The following CNTNAP2 variants were observed in gnomAD, a reference collection of about 807,000 sequenced individuals.
CNTNAP2 encodes the protein contactin-associated protein-like 2.
CNTNAP2 carries 98 observed loss-of-function variants against 155.2 expected under a neutral mutation model. That is an observed-to-expected ratio of 0.63 (90% CI 0.54 to 0.75). The LOEUF (loss-of-function observed/expected upper bound fraction) is 0.75, where lower values mean the gene tolerates loss of function less well. CNTNAP2 is among the 30% of genes least tolerant of loss of function. CNTNAP2 has a pLI of 0.00. For missense variants in CNTNAP2, 1,727 were observed against 1,688.1 expected (o/e 1.02, Z -0.40); for synonymous variants, 651 against 631.2 (o/e 1.03, Z -0.47).
At chr7:147,036,539 T>C (rs953330452) in intron 3 of CNTNAP2, among the ~76,000 whole-genome samples, 3 of 152,212 alleles carry the variant, frequency 2.0e-5, no homozygotes, top group Non-Finnish European at 2.9e-5. Context: ...GAGATACATA[T>C]ATGCTATCTT....
At chr7:146,403,139 C>A (rs903401963) in intron 1 of CNTNAP2, among the ~76,000 whole-genome samples, 2 of 152,000 alleles carry the variant, frequency 1.3e-5, no homozygotes, top group African/African-American at 4.8e-5. Flanking sequence ...AAGGGTGTGG[C>A]TATAGAGGTT....
chr7:147,503,353 A>G (rs1318842112), intron 11 of CNTNAP2, among the ~76,000 whole-genome samples: 1 of 152,204 alleles, frequency 6.6e-6, no homozygotes, highest in Non-Finnish European at 1.5e-5. Flanking sequence ...TTGAGTGTCC[A>G]CATTGATCCA....
chr7:147,457,373 G>T (rs1176561474), intron 10 of CNTNAP2, among the ~76,000 whole-genome samples: 1 of 152,056 alleles, frequency 6.6e-6, no homozygotes, highest in Admixed American at 6.6e-5. Context: ...ACGCTCAGCC[G>T]GAAATTCTTC....
At chr7:148,387,176 T>G (rs1398857179) in intron 22 of CNTNAP2, among the ~76,000 whole-genome samples, 2 of 152,186 alleles carry the variant, frequency 1.3e-5, no homozygotes, top group Non-Finnish European at 2.9e-5. Flanking sequence ...CTGCACCTAT[T>G]GAATCCCCAG....
intron 1 of CNTNAP2, among the ~76,000 whole-genome samples, chr7:146,685,464 A>G (rs1251465802): frequency 6.6e-6 from 1 of 152,182 alleles, no homozygotes; most frequent in Non-Finnish European, 1.5e-5. Flanking sequence ...AAGCTGGTAC[A>G]GGCTGGTTGA....
At chr7:148,343,253 C>CT (rs1209140959) in intron 21 of CNTNAP2, among the ~76,000 whole-genome samples, 2 of 152,230 alleles carry the variant, frequency 1.3e-5, no homozygotes, top group Non-Finnish European at 2.9e-5. Flanking sequence ...ATCACAAACT[C>CT]TATTTGTCCT....
At chr7:146,834,735 A>T (rs1041302722) in intron 2 of CNTNAP2, among the ~76,000 whole-genome samples, 5 of 152,158 alleles carry the variant, frequency 3.3e-5, no homozygotes, top group African/African-American at 1.2e-4. Flanking sequence ...CAGCATCTCC[A>T]CTTCTTCTAA....
intron 1 of CNTNAP2, among the ~76,000 whole-genome samples, chr7:146,454,854 G>T (rs1796532933): frequency 6.6e-6 from 1 of 152,074 alleles, no homozygotes; most frequent in Admixed American, 6.6e-5. Context: ...ATATATGTTA[G>T]CTTAGAACTG....
intron 1 of CNTNAP2, among the ~76,000 whole-genome samples, chr7:146,236,809 TATTAATTA>T (rs71717716): frequency 6.6e-6 from 1 of 150,880 alleles, no homozygotes; most frequent in Non-Finnish European, 1.5e-5. Context: ...GATTGTAAGT[TATTAATTA>T]ATTAATTAGT....
At chr7:146,948,785 G>A (rs1797246012) in intron 3 of CNTNAP2, among the ~76,000 whole-genome samples, 1 of 152,154 alleles carries the variant, frequency 6.6e-6, no homozygotes, top group South Asian at 2.1e-4. Flanking sequence ...TTGTGGTGGT[G>A]TACATGACAA....
chr7:147,404,409 G>A (rs546908705), intron 10 of CNTNAP2, among the ~76,000 whole-genome samples: 2 of 152,274 alleles, frequency 1.3e-5, no homozygotes, highest in South Asian at 4.1e-4. Context: ...AAAAACGTCA[G>A]TTTTCTCATG....
intron 1 of CNTNAP2, among the ~76,000 whole-genome samples, chr7:146,273,420 G>A (rs1487687011): frequency 3.9e-5 from 6 of 152,024 alleles, no homozygotes; most frequent in Non-Finnish European, 8.8e-5. Flanking sequence ...TAAGTATTTC[G>A]GCTCTGTAAG....
intron 12 of CNTNAP2, among the ~76,000 whole-genome samples, chr7:147,638,027 G>T (rs1183059555): frequency 6.6e-6 from 1 of 152,112 alleles, no homozygotes; most frequent in Non-Finnish European, 1.5e-5. Context: ...TCAAAATAAT[G>T]AGTTGGTTAC....
intron 13 of CNTNAP2, among the ~76,000 whole-genome samples, chr7:147,782,606 C>T (rs187202712): frequency 1.9e-3 from 286 of 152,178 alleles, no homozygotes; most frequent in Middle Eastern, 6.8e-3. Flanking sequence ...AAGCACTAAT[C>T]GCATTCTTGA....
At chr7:148,385,960 C>A (rs1235442831) in intron 22 of CNTNAP2, among the ~76,000 whole-genome samples, 1 of 152,060 alleles carries the variant, frequency 6.6e-6, no homozygotes, top group Non-Finnish European at 1.5e-5. Context: ...GACTCCTAAC[C>A]TCAGGTGATC....
intron 1 of CNTNAP2, among the ~76,000 whole-genome samples, chr7:146,493,817 CCATG>C (rs925323877): frequency 6.6e-6 from 1 of 151,936 alleles, no homozygotes; most frequent in African/African-American, 2.4e-5. Flanking sequence ...ACAAAATTCA[CCATG>C]CATTTCAATA....
chr7:147,562,932 T>G (rs1195700981), intron 12 of CNTNAP2, among the ~76,000 whole-genome samples: 1 of 152,160 alleles, frequency 6.6e-6, no homozygotes, highest in East Asian at 1.9e-4. Flanking sequence ...GAGGTATGCA[T>G]TATTTACTGG....
intron 1 of CNTNAP2, among the ~76,000 whole-genome samples, chr7:146,205,093 T>C (rs1171059464): frequency 6.6e-6 from 1 of 152,038 alleles, no homozygotes; most frequent in African/African-American, 2.4e-5. Flanking sequence ...TTTAATTATC[T>C]TCCTGTGATT....
At chr7:147,874,948 G>A (rs773435534) in intron 13 of CNTNAP2, among the ~76,000 whole-genome samples, 4 of 152,152 alleles carry the variant, frequency 2.6e-5, no homozygotes, top group Non-Finnish European at 4.4e-5. Flanking sequence ...TTCCCAACAA[G>A]TTCCTTATCT....
Sources: allele counts gnomAD v4.1 joint callset (sites outside exome capture counted in the v4.1 genomes callset), GRCh38; gene constraint gnomAD v4.1.1; transcripts MANE v1.5; gene names NCBI Gene and HGNC (gene_info 2026-07-23, HGNC 2026-07-21).